The following SPPL2A variants were observed in gnomAD, a reference collection of about 807,000 sequenced individuals.
SPPL2A encodes the protein signal peptide peptidase-like 2A.
In SPPL2A, 51 loss-of-function variants were observed where a neutral mutation model predicts 63.8. The observed-to-expected ratio is 0.80, with a 90% CI of 0.64 to 1.01. The LOEUF is 1.01. SPPL2A is among the 50% of genes least tolerant of loss of function. The pLI is 0.00. For missense variants in SPPL2A, 553 were observed against 622.7 expected (o/e 0.89, Z 1.19); for synonymous variants, 188 against 205.8 (o/e 0.91, Z 0.74).
chr15:50,728,539 GGTTTCACCAT>G (rs1429730694), intron 10 of SPPL2A, among the ~76,000 whole-genome samples: 1 of 151,776 alleles, frequency 6.6e-6, no homozygotes, highest in African/African-American at 2.4e-5. Flanking sequence ...GTAGAGACGG[GGTTTCACCAT>G]GTTAGCCAGG....
intron 10 of SPPL2A, 141 bp from the exon 11 acceptor site, chr15:50,726,518 T>C (rs959407712): frequency 5.4e-6 from 4 of 739,578 alleles, no homozygotes; most frequent in Non-Finnish European, 8.9e-6. Context: ...TCCTAAAGTC[T>C]TTGTAGATTG....
chr15:50,749,621 C>T lies in SPPL2A; in HGVS notation c.177+15G>A. On this transcript the variant is annotated intron_variant, in intron 2 of 14. Transcript: ENST00000261854. ...CTATTTTTATGTTTATGAATAGTAA[C>T]TGTGATTTACTTACTGCATTTTCTA... 2 of 1,420,018 alleles carry T rather than the reference C, an allele frequency of 1.4e-6. No homozygotes were observed. Among genetic ancestry groups the T allele is most frequent in the Non-Finnish European group, 2.0e-6 (2 of 1,003,228 alleles). The allele number at this position is 1,420,018 out of a possible 1,614,324, so 88.0% of individuals were successfully genotyped here.
In SPPL2A at chr15:50,763,034, C is replaced by T. The variant is rs192243372; in HGVS notation, c.66+2434G>A. ...CTGGGATGACAGGCGTGAGCCACCA[C>T]GCCCGGACAAGTAGTGCCAGTTTCA... On this transcript the variant is annotated intron_variant, in intron 1 of 14. Transcript: ENST00000261854. Among the ~76,000 whole-genome samples, 206 of 151,980 alleles carry T rather than the reference C, an allele frequency of 1.4e-3. 3 individuals are homozygous for T. Among genetic ancestry groups the T allele is most frequent in the Admixed American group, 9.2e-3 (141 of 15,248 alleles).
At chr15:50,726,065 A>T in intron 11 of SPPL2A, 1 of 1,451,072 alleles carries the variant, frequency 6.9e-7, no homozygotes. Context: ...CTAAAATACA[A>T]TCCTTACTTT....
intron 5 of SPPL2A, among the ~76,000 whole-genome samples, chr15:50,744,925 A>G (rs563019285): frequency 6.6e-6 from 1 of 152,306 alleles, no homozygotes; most frequent in Admixed American, 6.5e-5. Flanking sequence ...ATTTCCCCTA[A>G]TCTGCATAAA....
chr15:50,753,956 C>T (rs909337594), intron 1 of SPPL2A, among the ~76,000 whole-genome samples: 1 of 152,106 alleles, frequency 6.6e-6, no homozygotes, highest in South Asian at 2.1e-4. Flanking sequence ...ACCACCACGC[C>T]TGGCTAATTT....
intron 10 of SPPL2A, among the ~76,000 whole-genome samples, chr15:50,727,640 CTTA>C (rs1468076833): frequency 6.6e-6 from 1 of 152,178 alleles, no homozygotes; most frequent in African/African-American, 2.4e-5. Flanking sequence ...AAGACAGGCT[CTTA>C]TTGCTGTACT....
Position 50,707,551 on chromosome 15 carries a change from T to C in SPPL2A, c.*249A>G. 2.9e-6 allele frequency: 1 copy of C among 342,790 alleles called. No individual in the cohort carries two copies. The highest frequency in any genetic ancestry group is 4.4e-5 in the Admixed American group (1 of 22,642). The allele number at this position is 342,790 out of a possible 1,614,324, so 21.2% of individuals were successfully genotyped here. On this transcript the variant is annotated 3_prime_UTR_variant, in exon 15 of 15. Coordinates refer to ENST00000261854, the MANE Select transcript of SPPL2A (RefSeq NM_032802.4). ...CAAGGCATTTTTTTTTAGAAAAATATACTGTATATAGTACATCTCGGAAAC... is the reference window on the plus strand; with the variant it reads ...CAAGGCATTTTTTTTTAGAAAAATACACTGTATATAGTACATCTCGGAAAC...
At chr15:50,728,638 G>A (rs540834852) in intron 10 of SPPL2A, among the ~76,000 whole-genome samples, 7 of 140,138 alleles carry the variant, frequency 5.0e-5, no homozygotes, top group South Asian at 2.3e-4. Context: ...GAACCACTGC[G>A]CTCGGCCAAC....
intron 14 of SPPL2A, among the ~76,000 whole-genome samples, chr15:50,718,229 A>C (rs1168988214): frequency 6.6e-6 from 1 of 152,000 alleles, no homozygotes; most frequent in East Asian, 1.9e-4. Flanking sequence ...CTCCCGCCTC[A>C]GCCTCCCAAA....
Position 50,705,886 on chromosome 15 carries a change from G to C in SPPL2A, c.*1914C>G, listed in dbSNP as rs1459008938. Reference sequence around the variant, plus strand: ...ACATATTTTATACATTATTTACAGAGAAATGAAAAATCCTGCTGCCTTTGT... The same window carrying C: ...ACATATTTTATACATTATTTACAGACAAATGAAAAATCCTGCTGCCTTTGT... On this transcript the variant is annotated 3_prime_UTR_variant, in exon 15 of 15. Coordinates refer to ENST00000261854, the MANE Select transcript of SPPL2A (RefSeq NM_032802.4). 1 of 152,156 alleles carries C rather than the reference G, an allele frequency of 6.6e-6. No homozygotes were observed. The highest frequency in any genetic ancestry group is 2.4e-5 in the African/African-American group (1 of 41,442). The allele number at this position is 152,156 out of a possible 1,614,324, so 9.4% of individuals were successfully genotyped here.
At chr15:50,729,064 T>G (rs948946791) in intron 10 of SPPL2A, among the ~76,000 whole-genome samples, 8 of 152,164 alleles carry the variant, frequency 5.3e-5, no homozygotes, top group Non-Finnish European at 1.2e-4. Context: ...TCCACCCGCC[T>G]TGGCCTCCCA....
rs2062500341 is a variant in SPPL2A at position 50,705,356 on chromosome 15, A to ATT, written c.*2443_*2444insAA. The ATT allele has an allele frequency of 2.6e-5, 4 of 151,280 alleles. No individual in the cohort carries two copies. Among genetic ancestry groups the ATT allele is most frequent in the Admixed American group, 1.3e-4 (2 of 15,138 alleles). The allele number at this position is 151,280 out of a possible 1,614,324, so 9.4% of individuals were successfully genotyped here. A position where few individuals can be genotyped will look rare whatever the true frequency, so the allele number is the denominator to read the frequency against. ...CTCCATTTCCAAAAAAAAAAAAAAG[A>ATT]AATTAATTATCTCATTTCGATGTAG... On this transcript the variant is annotated 3_prime_UTR_variant, in exon 15 of 15. Coordinates refer to ENST00000261854, the MANE Select transcript of SPPL2A (RefSeq NM_032802.4).
chr15:50,758,721 G>C (rs2062982753), intron 1 of SPPL2A, among the ~76,000 whole-genome samples: 1 of 152,080 alleles, frequency 6.6e-6, no homozygotes, highest in Admixed American at 6.6e-5. Context: ...TAAGACCATA[G>C]GGCATGGTAA....
chr15:50,713,009 C>A (rs1407282153), intron 14 of SPPL2A, among the ~76,000 whole-genome samples: 2 of 152,006 alleles, frequency 1.3e-5, no homozygotes, highest in Non-Finnish European at 2.9e-5. Flanking sequence ...TATTCCCCTA[C>A]CTCCCTGTAG....
At position 50,744,069 on chromosome 15, in the gene SPPL2A, C is replaced by T. The variant is rs181354593; in HGVS notation, c.584+3426G>A. Among the ~76,000 whole-genome samples the T allele has an allele frequency of 4.3e-3, 646 of 151,624 alleles. 2 individuals are homozygous for T. Among genetic ancestry groups the T allele is most frequent in the African/African-American group, 0.015 (628 of 41,326 alleles). ...TAGTTCACACCTACAATCCCAGCTA[C>T]TTGGGAGGCTGAGGCAGGAGAATTG... On this transcript the variant is annotated intron_variant, in intron 5 of 14. Transcript: ENST00000261854.
At chr15:50,707,950 T>A in intron 14 of SPPL2A, 76 bp from the exon 15 acceptor site, 1 of 788,866 alleles carries the variant, frequency 1.3e-6, no homozygotes, top group South Asian at 1.4e-5. Context: ...AGCAAAAGGA[T>A]TCTTTTTCTA....
chr15:50,720,144 C>CAAAATGTAACCAAA, intron 13 of SPPL2A, 44 bp from the exon 14 acceptor site: 2 of 1,525,012 alleles, frequency 1.3e-6, no homozygotes, highest in Non-Finnish European at 1.8e-6. Context: ...TACATGTTAC[C>CAAAATGTAACCAAA]AAAGGTGGGT....
intron 1 of SPPL2A, among the ~76,000 whole-genome samples, chr15:50,761,671 C>A (rs949300790): frequency 6.6e-6 from 1 of 152,104 alleles, no homozygotes; most frequent in Non-Finnish European, 1.5e-5. Flanking sequence ...AGCGGTGGCT[C>A]ACGCCTGTAA....
Sources: gnomAD v4.1 joint callset for allele counts (sites outside exome capture counted in the v4.1 genomes callset) on GRCh38, gnomAD v4.1.1 for gene constraint, MANE v1.5 for transcripts, NCBI Gene and HGNC (gene_info 2026-07-23, HGNC 2026-07-21) for gene names.